PPFIA1: variants seen among roughly 807,000 people sequenced by gnomAD.
PPFIA1 encodes the protein PPFI scaffold protein A1, also known as liprin-alpha-1.
A neutral mutation model predicts 149.9 loss-of-function variants in PPFIA1; 25 were observed. The ratio of observed to expected loss-of-function variants is 0.17; its 90% CI spans 0.12 to 0.23. The LOEUF (loss-of-function observed/expected upper bound fraction) is 0.23, where lower values mean the gene tolerates loss of function less well. Among genes scored for constraint, PPFIA1 ranks in the 10% least tolerant of loss-of-function variants. PPFIA1 has a pLI of 1.00. For missense variants in PPFIA1, 1,362 were observed against 1,506.5 expected (o/e 0.90, Z 1.59); for synonymous variants, 549 against 552.8 (o/e 0.99, Z 0.10).
intron 15 of PPFIA1, among the ~76,000 whole-genome samples, chr11:70,346,323 C>G (rs1365245680): frequency 6.6e-6 from 1 of 152,024 alleles, no homozygotes; most frequent in African/African-American, 2.4e-5. Context: ...CCACGACTTG[C>G]TTGTGAAGTT....
rs35836338 is a variant in PPFIA1, at chr11:70,335,800, GA to G, written c.1428+110del. ...GTAACAGTGGTTAGCAGCTGTTACCGAAAATGGGAATTATTCTTTAAAGTGG... is the reference window on the plus strand; with the variant it reads ...GTAACAGTGGTTAGCAGCTGTTACCGAAATGGGAATTATTCTTTAAAGTGG... On this transcript the variant is annotated intron_variant, in intron 11 of 27. Transcript: ENST00000253925. The G allele has an allele frequency of 4.2e-4, 535 of 1,282,100 alleles. 4 individuals carry two copies. In the African/African-American group the frequency reaches 7.3e-3, roughly 17 times the overall value. 79.4% of individuals were successfully genotyped at this position (1,282,100 alleles called of 1,614,324 possible).
At chr11:70,369,914 G>C (rs1441545238) in intron 21 of PPFIA1, among the ~76,000 whole-genome samples, 2 of 151,492 alleles carry the variant, frequency 1.3e-5, no homozygotes, top group East Asian at 3.9e-4. Flanking sequence ...TGAAGTTACC[G>C]ACATGGCCAC....
chr11:70,351,235 G>A lies in PPFIA1; in HGVS notation c.2163+2815G>A, dbSNP rs149043392. Among the ~76,000 whole-genome samples the A allele has an allele frequency of 1.0e-3, 155 of 152,328 alleles. 1 individual carries two copies. Among genetic ancestry groups the A allele is most frequent in the African/African-American group, 3.2e-3 (132 of 41,566 alleles). ...GTTTTCACAGAACACTGGGACAAAT[G>A]TAACAGCTTGCCATTCTCTCACCTT... On this transcript the variant is annotated intron_variant, in intron 16 of 27. Transcript: ENST00000253925.
At chr11:70,371,424 GGCGTGTTCTATGTTCTC>G in intron 21 of PPFIA1, 1 of 156,946 alleles carries the variant, frequency 6.4e-6, no homozygotes, top group East Asian at 1.9e-4. Flanking sequence ...GTTGTTGAGT[GGCGTGTTCTATGTTCTC>G]TTGTTGGGTG....
At chr11:70,292,659 C>A (rs1198450507) in intron 2 of PPFIA1, among the ~76,000 whole-genome samples, 2 of 152,126 alleles carry the variant, frequency 1.3e-5, no homozygotes, top group African/African-American at 2.4e-5. Context: ...CTCTAAGCCT[C>A]TTTATAGGAA....
intron 2 of PPFIA1, among the ~76,000 whole-genome samples, chr11:70,314,323 G>A (rs1052718436): frequency 2.0e-5 from 3 of 152,306 alleles, no homozygotes; most frequent in Middle Eastern, 3.4e-3. Context: ...TGGTGAGTAA[G>A]GGGCCAGGAA....
In PPFIA1 at chr11:70,338,546, G is replaced by A. The variant is rs2055118233; in HGVS notation, c.1571+93G>A. On this transcript the variant is annotated intron_variant, in intron 13 of 27. Transcript: ENST00000253925. ...GCAGCCTAACTGGATGTGGCTAATGGTGTGACCTCAAGGAGCCTGTAGCTT... is the reference window on the plus strand; with the variant it reads ...GCAGCCTAACTGGATGTGGCTAATGATGTGACCTCAAGGAGCCTGTAGCTT... 3.0e-6 allele frequency: 3 copies of A among 1,008,566 alleles called. No individual in the cohort carries two copies. In the African/African-American group the frequency reaches 4.8e-5, roughly 16 times the overall value. The allele number at this position is 1,008,566 out of a possible 1,614,324, so 62.5% of individuals were successfully genotyped here.
chr11:70,330,282 A>C lies in PPFIA1; in HGVS notation c.1040A>C (p.Glu347Ala), dbSNP rs1591239300. 6.3e-7 allele frequency: 1 copy of C among 1,582,844 alleles called. No individual in the cohort carries two copies. The highest frequency in any genetic ancestry group is 8.6e-7 in the Non-Finnish European group (1 of 1,169,170). Residue 347 changes from glutamate to alanine, a missense_variant, in exon 8 of 28, where the codon GAA (glutamate) becomes GCA (alanine). By Grantham distance (107) the Glu-to-Ala change is moderately radical. Transcript: ENST00000253925. ...GTGCATGACCTCAATGATAAACTTGAAAATGAAATTGCAAATAAAGATTCT... is the reference window on the plus strand; with the variant it reads ...GTGCATGACCTCAATGATAAACTTGCAAATGAAATTGCAAATAAAGATTCT... ...TSVHDLNDKL[E>A]NEIANKDSMH...
chr11:70,287,224 G>C (rs59705598), intron 2 of PPFIA1, among the ~76,000 whole-genome samples: 1 of 151,910 alleles, frequency 6.6e-6, no homozygotes, highest in Non-Finnish European at 1.5e-5. Flanking sequence ...ATTCCTCCTC[G>C]GGCTGAAGAC....
chr11:70,273,224 C>T (rs1017927588), intron 2 of PPFIA1, among the ~76,000 whole-genome samples: 3 of 151,788 alleles, frequency 2.0e-5, no homozygotes, highest in Non-Finnish European at 4.4e-5. Context: ...TTGCAGTGAG[C>T]CAAGATTGCA....
chr11:70,343,360 C>T (rs1279548122), intron 14 of PPFIA1, among the ~76,000 whole-genome samples: 3 of 152,242 alleles, frequency 2.0e-5, no homozygotes, highest in African/African-American at 7.2e-5. Context: ...CATCCTCCCC[C>T]TGCCCACCCT....
chr11:70,281,966 T>C (rs950484368), intron 2 of PPFIA1, among the ~76,000 whole-genome samples: 3 of 152,146 alleles, frequency 2.0e-5, no homozygotes, highest in East Asian at 3.9e-4. Context: ...TCTGGAGACA[T>C]TGGTTATCAT....
At chr11:70,333,163 A>AAG in intron 9 of PPFIA1, 1 of 509,424 alleles carries the variant, frequency 2.0e-6, no homozygotes, top group South Asian at 1.5e-5. Context: ...CTTACTAACC[A>AAG]GAAGCAGTCC....
At chr11:70,308,156 C>T (rs2052996212) in intron 2 of PPFIA1, among the ~76,000 whole-genome samples, 1 of 152,252 alleles carries the variant, frequency 6.6e-6, no homozygotes, top group Non-Finnish European at 1.5e-5. Flanking sequence ...TCAAGCGATT[C>T]TCCTCTGTCA....
intron 2 of PPFIA1, among the ~76,000 whole-genome samples, chr11:70,296,554 C>T (rs937152056): frequency 9.9e-5 from 15 of 151,942 alleles, no homozygotes; most frequent in African/African-American, 2.7e-4. Flanking sequence ...TGGCGGTGCG[C>T]GCCTGCAATC....
chr11:70,336,831 A>C (rs1428534671), intron 11 of PPFIA1, among the ~76,000 whole-genome samples: 1 of 152,120 alleles, frequency 6.6e-6, no homozygotes, highest in African/African-American at 2.4e-5. Context: ...CTGCCCTGAG[A>C]TTGGTTGTTA....
chr11:70,340,596 G>A (rs2055269751), intron 14 of PPFIA1, among the ~76,000 whole-genome samples: 1 of 152,156 alleles, frequency 6.6e-6, no homozygotes, highest in African/African-American at 2.4e-5. Context: ...TCAACAGCTA[G>A]TTTGGGCCAG....
At chr11:70,325,413 AGT>A in intron 4 of PPFIA1, 85 bp from the exon 5 acceptor site, 1 of 767,720 alleles carries the variant, frequency 1.3e-6, no homozygotes, top group Non-Finnish European at 2.1e-6. Context: ...ATATACATTA[AGT>A]GTATATATTA....
In PPFIA1 at chr11:70,284,095, C is replaced by T. The variant is rs764933540; in HGVS notation, c.264+11659C>T. ...TACAACTGTAATTTGTTGAGTGCTG[C>T]AAACAAGGTACTTGCTAAGCTTAAC... On this transcript the variant is annotated intron_variant, in intron 2 of 27. Transcript: ENST00000253925. 4 of 481,122 alleles carry T rather than the reference C, an allele frequency of 8.3e-6. No individual in the cohort carries two copies. In the Admixed American group the frequency reaches 9.1e-5, roughly 11 times the overall value. The allele number at this position is 481,122 out of a possible 1,614,324, so 29.8% of individuals were successfully genotyped here.
Sources: gnomAD v4.1 joint callset for allele counts (sites outside exome capture counted in the v4.1 genomes callset) on GRCh38, gnomAD v4.1.1 for gene constraint, MANE v1.5 for transcripts, NCBI Gene and HGNC (gene_info 2026-07-23, HGNC 2026-07-21) for gene names.